Variants in SH3RF3 observed in about 807,000 individuals in gnomAD.
SH3RF3 encodes SH3 domain containing ring finger 3.
A neutral mutation model predicts 66.3 loss-of-function variants in SH3RF3; 29 were observed. The ratio of observed to expected loss-of-function variants is 0.44; its 90% confidence interval spans 0.33 to 0.60. The LOEUF (loss-of-function observed/expected upper bound fraction) is 0.60, where lower values mean the gene tolerates loss of function less well. Among genes scored for constraint, SH3RF3 ranks in the 20% least tolerant of loss-of-function variants. SH3RF3 has a pLI of 0.04. For missense variants in SH3RF3, 1,194 were observed against 1,190.9 expected, an observed-to-expected ratio of 1.00 and a Z score of -0.04; for synonymous variants, 583 against 532.0, an observed-to-expected ratio of 1.10 and a Z score of -1.32.
chr2:109,390,248 C>T (rs1307613962), intron 3 of SH3RF3, among the ~76,000 whole-genome samples: 1 of 152,150 alleles, frequency 6.6e-6, no homozygotes, highest in Non-Finnish European at 1.5e-5. Flanking sequence ...CCATAAACTA[C>T]CAGTTTATCT....
At chr2:109,211,354 G>A (rs1400213843) in intron 1 of SH3RF3, among the ~76,000 whole-genome samples, 1 of 152,242 alleles carries the variant, frequency 6.6e-6, no homozygotes, top group Non-Finnish European at 1.5e-5. Flanking sequence ...ACAGTAAACA[G>A]CAATTTAATG....
intron 1 of SH3RF3, among the ~76,000 whole-genome samples, chr2:109,253,444 G>A (rs555009235): frequency 1.3e-3 from 194 of 152,298 alleles, no homozygotes; most frequent in African/African-American, 3.2e-3. Context: ...GCTGCTTTCC[G>A]GGTGGGCTGG....
intron 1 of SH3RF3, among the ~76,000 whole-genome samples, chr2:109,326,986 A>G (rs1018278026): frequency 1.3e-5 from 2 of 152,208 alleles, no homozygotes; most frequent in African/African-American, 4.8e-5. Flanking sequence ...TGTTTCTGCA[A>G]TGTGTTGTTA....
intron 1 of SH3RF3, among the ~76,000 whole-genome samples, chr2:109,256,934 G>A (rs2105277468): frequency 6.6e-6 from 1 of 152,294 alleles, no homozygotes; most frequent in Non-Finnish European, 1.5e-5. Flanking sequence ...GGTGGATGGA[G>A]ATGTGTGGAG....
At chr2:109,267,401 GAAGA>G (rs1461826498) in intron 1 of SH3RF3, among the ~76,000 whole-genome samples, 1 of 152,162 alleles carries the variant, frequency 6.6e-6, no homozygotes, top group African/African-American at 2.4e-5. Flanking sequence ...GAGCTTGCCC[GAAGA>G]AAGAAAGAGA....
chr2:109,495,047 T>G (rs557360204), intron 9 of SH3RF3, among the ~76,000 whole-genome samples: 39 of 152,288 alleles, frequency 2.6e-4, no homozygotes, highest in Admixed American at 2.4e-3. Context: ...GTAAGTAGAC[T>G]TATGAGCCAA....
At chr2:109,200,916 G>GT (rs1034806331) in intron 1 of SH3RF3, among the ~76,000 whole-genome samples, 25 of 152,252 alleles carry the variant, frequency 1.6e-4, no homozygotes, top group African/African-American at 5.8e-4. Context: ...TGGGCCCTGG[G>GT]TGCTGTTGGG....
intron 1 of SH3RF3, among the ~76,000 whole-genome samples, chr2:109,165,755 C>CT (rs1017902957): frequency 2.6e-5 from 4 of 152,140 alleles, no homozygotes; most frequent in East Asian, 1.9e-4. Context: ...TCAGATCCTT[C>CT]TTTTTTTTAG....
intron 1 of SH3RF3, among the ~76,000 whole-genome samples, chr2:109,277,238 A>G (rs1029365142): frequency 6.6e-6 from 1 of 152,176 alleles, no homozygotes; most frequent in African/African-American, 2.4e-5. Context: ...CGGATGTGTC[A>G]CACTTGGCCT....
At chr2:109,162,409 T>G (rs914594589) in intron 1 of SH3RF3, among the ~76,000 whole-genome samples, 2 of 152,156 alleles carry the variant, frequency 1.3e-5, no homozygotes, top group Admixed American at 6.5e-5. Context: ...ATTTATTTAT[T>G]TATTTTTAAT....
intron 1 of SH3RF3, among the ~76,000 whole-genome samples, chr2:109,238,449 TTGTGTGTGTGTGTGTGTGTGTGTGTG>T (rs56112018): frequency 2.4e-4 from 34 of 142,712 alleles, no homozygotes; most frequent in South Asian, 7.2e-4. Flanking sequence ...TTATGTATAT[TTGTGTGTGTGTGTGTGTGTGTGTGTG>T]TGTGTGTGTG....
At chr2:109,134,653 C>A (rs761688166) in intron 1 of SH3RF3, among the ~76,000 whole-genome samples, 5 of 152,046 alleles carry the variant, frequency 3.3e-5, no homozygotes, top group Non-Finnish European at 4.4e-5. Context: ...CCTTGCTGAG[C>A]GGCACACAGT....
In SH3RF3 at chr2:109,494,041, C is replaced by G. The variant is rs567361478; in HGVS notation, c.2480+3105C>G. On this transcript the variant is annotated intron_variant, in intron 9 of 9. Coordinates refer to ENST00000309415, the MANE Select transcript of SH3RF3 (RefSeq NM_001099289.3). ...CCTTGTCTGGAGTCACAGAGTTGGT[C>G]TGCCGGCTCGTGAGAATGACAGACT... 4.6e-5 allele frequency among the ~76,000 whole-genome samples: 7 copies of G among 152,256 alleles called. No individual in the cohort carries two copies. In the South Asian group the frequency reaches 1.4e-3, roughly 32 times the overall value.
rs1676653869 is a variant in SH3RF3 at position 109,130,129 on chromosome 2, G to C, written c.573+16G>C. ...GGCGGCAAAGGTGAGTATCTGTCTC[G>C]GCGGAAGTGGCCACGGCACGTGGGA... On this transcript the variant is annotated intron_variant, in intron 1 of 9. Transcript: ENST00000309415. The C allele has an allele frequency of 3.9e-6, 5 of 1,286,836 alleles. No individual in the cohort carries two copies. Among genetic ancestry groups the C allele is most frequent in the Non-Finnish European group, 2.0e-6 (2 of 1,019,680 alleles). The allele number at this position is 1,286,836 out of a possible 1,614,324, so 79.7% of individuals were successfully genotyped here. A position where few individuals can be genotyped will look rare whatever the true frequency, so the allele number is the denominator to read the frequency against.
intron 6 of SH3RF3, among the ~76,000 whole-genome samples, chr2:109,434,567 C>T (rs1327383546): frequency 6.6e-6 from 1 of 152,230 alleles, no homozygotes; most frequent in Admixed American, 6.5e-5. Context: ...GCCTTCCACC[C>T]TCTTCCTGCT....
intron 8 of SH3RF3, among the ~76,000 whole-genome samples, chr2:109,456,189 T>G (rs1678051559): frequency 6.6e-6 from 1 of 152,198 alleles, no homozygotes; most frequent in Non-Finnish European, 1.5e-5. Flanking sequence ...TGGCCACTTG[T>G]GCCTGGCAGC....
intron 1 of SH3RF3, among the ~76,000 whole-genome samples, chr2:109,200,220 G>T (rs1249210324): frequency 6.6e-6 from 1 of 152,086 alleles, no homozygotes; most frequent in Non-Finnish European, 1.5e-5. Context: ...CCCATCTGCA[G>T]AGTCGCCAGA....
chr2:109,306,325 C>A (rs1460185970), intron 1 of SH3RF3, among the ~76,000 whole-genome samples: 1 of 152,182 alleles, frequency 6.6e-6, no homozygotes, highest in African/African-American at 2.4e-5. Context: ...TGTTCTGACC[C>A]CTGTGTGTCC....
At chr2:109,161,970 C>T (rs551328369) in intron 1 of SH3RF3, among the ~76,000 whole-genome samples, 110 of 152,148 alleles carry the variant, frequency 7.2e-4, no homozygotes, top group Middle Eastern at 3.4e-3. Flanking sequence ...TCTTATATGT[C>T]GCAGGTGTCT....
Sources: gnomAD v4.1 joint callset for allele counts (sites outside exome capture counted in the v4.1 genomes callset) on GRCh38, gnomAD v4.1.1 for gene constraint, MANE v1.5 for transcripts, NCBI Gene and HGNC (gene_info 2026-07-23, HGNC 2026-07-21) for gene names.